CAMTA1: variants seen among roughly 807,000 people sequenced by gnomAD.
CAMTA1 encodes the protein calmodulin-binding transcription activator 1.
A neutral mutation model predicts 170.9 loss-of-function variants in CAMTA1; 27 were observed. The observed-to-expected ratio is 0.16, with a 90% CI of 0.12 to 0.22. CAMTA1 has a LOEUF of 0.22. Among genes scored for constraint, CAMTA1 ranks in the 10% least tolerant of loss-of-function variants. The probability of loss-of-function intolerance (pLI) is 1.00; values close to 1 mark genes in which losing one functional copy is unlikely to be tolerated. For synonymous variants in CAMTA1, 833 were observed against 891.5 expected (o/e 0.93, Z 1.17); for missense variants, 1,619 against 2,217.2 (o/e 0.73, Z 5.42).
chr1:6,953,304 C>T (rs1035309051), intron 3 of CAMTA1, among the ~76,000 whole-genome samples: 1 of 152,190 alleles, frequency 6.6e-6, no homozygotes, highest in African/African-American at 2.4e-5. Flanking sequence ...TGTCCCTGGC[C>T]CTTGTGAGCC....
chr1:7,338,718 C>A (rs1164176155), intron 5 of CAMTA1, among the ~76,000 whole-genome samples: 1 of 152,182 alleles, frequency 6.6e-6, no homozygotes, highest in Non-Finnish European at 1.5e-5. Context: ...GGGGAAGGTG[C>A]CTGTGCAGCG....
intron 3 of CAMTA1, among the ~76,000 whole-genome samples, chr1:6,883,151 C>A (rs528674317): frequency 2.6e-5 from 4 of 152,276 alleles, no homozygotes; most frequent in Admixed American, 1.3e-4. Flanking sequence ...GCCTTGGCCT[C>A]CCAAAATGCT....
Position 7,674,960 on chromosome 1 carries a change from A to G in CAMTA1, c.2780-2639A>G, listed in dbSNP as rs999524933. On this transcript the variant is annotated intron_variant, in intron 10 of 22. Coordinates refer to ENST00000303635, the MANE Select transcript of CAMTA1 (RefSeq NM_015215.4). The surrounding 1 kb of genome is among the most constrained non-coding windows in gnomAD (Gnocchi z 4.1). Reference sequence around the variant, plus strand: ...CATGAGCTAATGTTCTACTGCAGGGAGACAGAAAACAAACAAGGAGAAAAA... The same window carrying G: ...CATGAGCTAATGTTCTACTGCAGGGGGACAGAAAACAAACAAGGAGAAAAA... Among the ~76,000 whole-genome samples, 2 of 152,220 alleles carry G rather than the reference A, an allele frequency of 1.3e-5. No homozygotes were observed. Among genetic ancestry groups the G allele is most frequent in the Admixed American group, 6.5e-5 (1 of 15,288 alleles).
chr1:7,449,408 G>T (rs528693336), intron 5 of CAMTA1, among the ~76,000 whole-genome samples: 1 of 152,284 alleles, frequency 6.6e-6, no homozygotes, highest in African/African-American at 2.4e-5. Flanking sequence ...TGCTGGCAGC[G>T]TGTGGGATCC....
At chr1:6,825,766 A>G (rs1380735419) in intron 3 of CAMTA1, among the ~76,000 whole-genome samples, 1 of 152,244 alleles carries the variant, frequency 6.6e-6, no homozygotes, top group Non-Finnish European at 1.5e-5. Context: ...TTTATGAAGT[A>G]GAATGAAAAA....
intron 5 of CAMTA1, among the ~76,000 whole-genome samples, chr1:7,460,697 C>G (rs1186351587): frequency 6.6e-6 from 1 of 152,096 alleles, no homozygotes; most frequent in Non-Finnish European, 1.5e-5. Context: ...TGGATTTTCC[C>G]TTCCCTTCTA....
rs1377557230 is a variant in CAMTA1, at chr1:7,299,710, CTG to C, written c.438+50087_438+50088del. ...AATCAGTGCCCTGTACAAGCAGGGACTGTGGGTGAGAGGGTACAAGGAGGTGT... is the reference window on the plus strand; with the variant it reads ...AATCAGTGCCCTGTACAAGCAGGGACTGGGTGAGAGGGTACAAGGAGGTGT... On this transcript the variant is annotated intron_variant, in intron 5 of 22. Transcript: ENST00000303635. This position sits in a 1 kb window ranked among gnomAD's most constrained non-coding sequence, Gnocchi z 4.7. Among the ~76,000 whole-genome samples the C allele has an allele frequency of 3.9e-5, 6 of 152,206 alleles. No homozygotes were observed. Among genetic ancestry groups the C allele is most frequent in the Admixed American group, 3.3e-4 (5 of 15,288 alleles).
chr1:6,936,963 G>A (rs1685418628), intron 3 of CAMTA1, among the ~76,000 whole-genome samples: 1 of 152,036 alleles, frequency 6.6e-6, no homozygotes, highest in African/African-American at 2.4e-5. Flanking sequence ...ACTCCAGCCT[G>A]GGCGACAGAG....
intron 5 of CAMTA1, among the ~76,000 whole-genome samples, chr1:7,432,350 C>G (rs1320523752): frequency 6.6e-6 from 1 of 152,224 alleles, no homozygotes; most frequent in Non-Finnish European, 1.5e-5. Context: ...GAATTCAGGT[C>G]TAACTATAAA....
chr1:6,962,998 A>C (rs1458308140), intron 3 of CAMTA1, among the ~76,000 whole-genome samples: 13 of 122,660 alleles, frequency 1.1e-4, no homozygotes, highest in Non-Finnish European at 1.2e-4. Context: ...GCCCATTCCC[A>C]CCTTCCACCC....
intron 7 of CAMTA1, among the ~76,000 whole-genome samples, chr1:7,650,426 C>T (rs374887439): frequency 1.4e-4 from 22 of 152,182 alleles, no homozygotes; most frequent in East Asian, 3.8e-4. Flanking sequence ...GCTGGAATGG[C>T]GCCTCTCCCT....
Position 6,856,484 on chromosome 1 carries a change from G to T in CAMTA1, c.234+31274G>T, listed in dbSNP as rs946876786. ...AGTTTATAGGCTGATAGGACAGTCA[G>T]TCATTCATCTGAGCTCTTTTGTGCC... On this transcript the variant is annotated intron_variant, in intron 3 of 22. Transcript: ENST00000303635. Among the ~76,000 whole-genome samples the T allele has an allele frequency of 3.9e-5, 6 of 152,122 alleles. No individual in the cohort carries two copies. The South Asian group carries it at 6.2e-4, about 16-fold the overall frequency.
At chr1:7,348,760 A>G (rs745797051) in intron 5 of CAMTA1, among the ~76,000 whole-genome samples, 1 of 152,152 alleles carries the variant, frequency 6.6e-6, no homozygotes, top group Non-Finnish European at 1.5e-5. Flanking sequence ...CAAAACAGCA[A>G]ATTTCAGGAA....
chr1:7,603,294 C>T (rs1002455682), intron 6 of CAMTA1, among the ~76,000 whole-genome samples: 2 of 152,130 alleles, frequency 1.3e-5, no homozygotes, highest in Non-Finnish European at 2.9e-5. Flanking sequence ...GTTAAAGTCT[C>T]CCATTATTAT....
chr1:7,488,545 T>C (rs1420653703), intron 6 of CAMTA1, among the ~76,000 whole-genome samples: 2 of 151,892 alleles, frequency 1.3e-5, no homozygotes, highest in Admixed American at 6.6e-5. Flanking sequence ...TGCACACACA[T>C]ACATCTGTAC....
chr1:7,675,377 A>G (rs1204036692), intron 10 of CAMTA1, among the ~76,000 whole-genome samples: 3 of 152,198 alleles, frequency 2.0e-5, no homozygotes, highest in Non-Finnish European at 4.4e-5. Flanking sequence ...TTGCAATGGG[A>G]GGCTGTTAGC....
Position 7,067,515 on chromosome 1 carries a change from C to T in CAMTA1, c.235-23789C>T, listed in dbSNP as rs1709113658. Among the ~76,000 whole-genome samples the T allele has an allele frequency of 6.6e-6, 1 of 152,156 alleles. No individual in the cohort carries two copies. The highest frequency in any genetic ancestry group is 2.1e-4 in the South Asian group (1 of 4,820). ...AGCCTCTTGGTTTAATTCCAGGATTCATTCATTCAACAAATATTTGAGTAT... is the reference window on the plus strand; with the variant it reads ...AGCCTCTTGGTTTAATTCCAGGATTTATTCATTCAACAAATATTTGAGTAT... On this transcript the variant is annotated intron_variant, in intron 3 of 22. Transcript: ENST00000303635. This position sits in a 1 kb window ranked among gnomAD's most constrained non-coding sequence, Gnocchi z 4.3.
chr1:7,321,211 C>A (rs1678366962), intron 5 of CAMTA1, among the ~76,000 whole-genome samples: 1 of 152,344 alleles, frequency 6.6e-6, no homozygotes, highest in African/African-American at 2.4e-5. Context: ...CTGTCATCAG[C>A]CTCCCAGGCA....
chr1:7,763,853 C>T (rs1420949526), intron 22 of CAMTA1, among the ~76,000 whole-genome samples: 1 of 152,200 alleles, frequency 6.6e-6, no homozygotes, highest in African/African-American at 2.4e-5. Context: ...AAATTATAGA[C>T]ATCTCATCAG....
Sources: allele counts gnomAD v4.1 joint callset (sites outside exome capture counted in the v4.1 genomes callset), GRCh38; gene constraint gnomAD v4.1.1; non-coding constraint Gnocchi (gnomAD v3.1); transcripts MANE v1.5; gene names NCBI Gene and HGNC (gene_info 2026-07-23, HGNC 2026-07-21).